The following SPAG16 variants were observed in gnomAD, a reference collection of about 807,000 sequenced individuals.
SPAG16 encodes sperm associated antigen 16, also known as sperm-associated antigen 16 protein.
SPAG16 carries 86 observed loss-of-function variants against 80.4 expected under a neutral mutation model. That is an observed-to-expected ratio of 1.07 (90% CI 0.90 to 1.28). The LOEUF (loss-of-function observed/expected upper bound fraction) is 1.28, where lower values mean the gene tolerates loss of function less well. Ranked by LOEUF, SPAG16 falls within the 50% of genes most tolerant of loss-of-function variation. The pLI, the probability that SPAG16 is intolerant of heterozygous loss-of-function variation, is 0.00. For missense variants in SPAG16, 870 were observed against 765.3 expected, an observed-to-expected ratio of 1.14 and a Z score of -1.61; for synonymous variants, 294 against 265.9, an observed-to-expected ratio of 1.11 and a Z score of -1.03.
chr2:213,658,227 A>C (rs576930538), intron 10 of SPAG16, among the ~76,000 whole-genome samples: 4 of 152,052 alleles, frequency 2.6e-5, no homozygotes, highest in South Asian at 2.1e-4. Context: ...TTCTTCTCTC[A>C]CTGGCTGGTG....
At chr2:213,812,272 G>A (rs2072209146) in intron 10 of SPAG16, among the ~76,000 whole-genome samples, 1 of 152,146 alleles carries the variant, frequency 6.6e-6, no homozygotes, top group Admixed American at 6.6e-5. Context: ...AAGAAGAACT[G>A]GGACTCAGGA....
chr2:213,514,542 G>A (rs1167568856), intron 10 of SPAG16, among the ~76,000 whole-genome samples: 2 of 151,466 alleles, frequency 1.3e-5, no homozygotes. Context: ...ATGTATACAT[G>A]TGCCATGCTG....
In SPAG16 at chr2:213,689,193, C is replaced by T. The variant is rs192444472; in HGVS notation, c.1071-173292C>T. On this transcript the variant is annotated intron_variant, in intron 10 of 15. Coordinates refer to ENST00000331683, the MANE Select transcript of SPAG16 (RefSeq NM_024532.5). Reference sequence around the variant, plus strand: ...CAGGCTGGTCTTGAATGCCTGACCTCGTGATCCACCCACCTCAGCCTTGCA... The same window carrying T: ...CAGGCTGGTCTTGAATGCCTGACCTTGTGATCCACCCACCTCAGCCTTGCA... Among the ~76,000 whole-genome samples, 22 of 152,250 alleles carry T rather than the reference C, an allele frequency of 1.4e-4. No individual in the cohort carries two copies. In the East Asian group the frequency reaches 3.1e-3, roughly 21 times the overall value.
chr2:213,771,335 G>A (rs1391561128), intron 10 of SPAG16, among the ~76,000 whole-genome samples: 2 of 151,870 alleles, frequency 1.3e-5, no homozygotes, highest in African/African-American at 4.8e-5. Flanking sequence ...TAAGTTCCTT[G>A]TAGATTCTGG....
chr2:214,322,811 C>T (rs1696194001), intron 15 of SPAG16, among the ~76,000 whole-genome samples: 1 of 152,114 alleles, frequency 6.6e-6, no homozygotes, highest in East Asian at 1.9e-4. Flanking sequence ...CCCCCATAAC[C>T]TTACAATCAC....
At chr2:213,517,343 ATGGC>A (rs2075469634) in intron 10 of SPAG16, among the ~76,000 whole-genome samples, 1 of 152,202 alleles carries the variant, frequency 6.6e-6, no homozygotes, top group Non-Finnish European at 1.5e-5. Context: ...TTCCATGTTC[ATGGC>A]TTGGAAGAAT....
At chr2:213,983,350 GAAT>G (rs1210565472) in intron 12 of SPAG16, among the ~76,000 whole-genome samples, 1 of 151,616 alleles carries the variant, frequency 6.6e-6, no homozygotes, top group Non-Finnish European at 1.5e-5. Context: ...TTGTTTTTCA[GAAT>G]AATAATAATA....
chr2:213,815,742 T>G (rs1465543634), intron 10 of SPAG16, among the ~76,000 whole-genome samples: 1 of 152,066 alleles, frequency 6.6e-6, no homozygotes, highest in Non-Finnish European at 1.5e-5. Context: ...AAATGAAATG[T>G]TTTTTAAAAT....
chr2:213,642,956 T>C (rs2125118396), intron 10 of SPAG16, among the ~76,000 whole-genome samples: 1 of 151,740 alleles, frequency 6.6e-6, no homozygotes, highest in East Asian at 2.0e-4. Flanking sequence ...CAGACTGGCT[T>C]TCCTTGCTCC....
intron 15 of SPAG16, among the ~76,000 whole-genome samples, chr2:214,385,874 A>ACTC (rs1051052226): frequency 6.6e-6 from 1 of 151,814 alleles, no homozygotes; most frequent in Non-Finnish European, 1.5e-5. Context: ...CAACAAAAAA[A>ACTC]CTCTAAACTT....
In SPAG16 at chr2:213,288,546, C is replaced by T. The variant is rs550916517; in HGVS notation, c.136+3927C>T. On this transcript the variant is annotated intron_variant, in intron 1 of 15. Coordinates refer to ENST00000331683, the MANE Select transcript of SPAG16 (RefSeq NM_024532.5). ...CAGGATGGTCTCGATCTCCTGACTT[C>T]GTGATCCATCCGCCTCAGCCTCCCA... Among the ~76,000 whole-genome samples the T allele has an allele frequency of 4.7e-5, 7 of 149,828 alleles. No homozygotes were observed. The South Asian group carries it at 8.6e-4, about 18-fold the overall frequency.
At chr2:213,973,825 A>C (rs900371514) in intron 12 of SPAG16, among the ~76,000 whole-genome samples, 1 of 152,078 alleles carries the variant, frequency 6.6e-6, no homozygotes, top group Admixed American at 6.6e-5. Flanking sequence ...TTATATTCCA[A>C]TTTAAGTTAA....
intron 7 of SPAG16, among the ~76,000 whole-genome samples, chr2:213,360,102 G>A (rs1385236780): frequency 6.6e-6 from 1 of 152,144 alleles, no homozygotes; most frequent in Admixed American, 6.5e-5. Context: ...AATTTAAATA[G>A]GAGGTGCTAT....
intron 12 of SPAG16, among the ~76,000 whole-genome samples, chr2:213,949,179 T>TTTTTTTTTTTTTTTTTTTTTTTG (rs1553677674): frequency 2.8e-5 from 1 of 36,244 alleles, no homozygotes; most frequent in Non-Finnish European, 5.5e-5. Flanking sequence ...GTTTTTTTTT[T>TTTTTTTTTTTTTTTTTTTTTTTG]TTTTTTTTTT....
chr2:213,963,324 A>G (rs567592331), intron 12 of SPAG16, among the ~76,000 whole-genome samples: 1 of 152,212 alleles, frequency 6.6e-6, no homozygotes, highest in East Asian at 1.9e-4. Context: ...TAAATTTTCT[A>G]TATTTTTTAA....
intron 2 of SPAG16, 148 bp from the exon 3 acceptor site, chr2:213,297,114 T>A (rs1251546458): frequency 6.8e-7 from 1 of 1,477,100 alleles, no homozygotes; most frequent in East Asian, 2.7e-5. Flanking sequence ...AGTTATTCAT[T>A]TTTCATGGAT....
chr2:214,383,742 A>C (rs1282995048), intron 15 of SPAG16, among the ~76,000 whole-genome samples: 1 of 152,156 alleles, frequency 6.6e-6, no homozygotes, highest in African/African-American at 2.4e-5. Context: ...TGAAAAGTAT[A>C]TGGGAGAGAG....
intron 15 of SPAG16, among the ~76,000 whole-genome samples, chr2:214,179,859 G>C (rs2057253598): frequency 6.6e-6 from 1 of 151,398 alleles, no homozygotes; most frequent in South Asian, 2.1e-4. Context: ...AAAATAAATG[G>C]TTTTATGTGC....
chr2:214,005,103 T>G (rs1392467113), intron 12 of SPAG16, among the ~76,000 whole-genome samples: 1 of 152,158 alleles, frequency 6.6e-6, no homozygotes, highest in Non-Finnish European at 1.5e-5. Context: ...AGGTTGCTAT[T>G]TTAATATTTG....
Sources: allele counts gnomAD v4.1 joint callset (sites outside exome capture counted in the v4.1 genomes callset), GRCh38; gene constraint gnomAD v4.1.1; transcripts MANE v1.5; gene names NCBI Gene and HGNC (gene_info 2026-07-23, HGNC 2026-07-21).